The following DCP1A variants were observed in gnomAD, a reference collection of about 807,000 sequenced individuals.
DCP1A encodes the protein decapping mRNA 1A.
In DCP1A, 20 loss-of-function variants were observed where a neutral mutation model predicts 58.0. The ratio of observed to expected loss-of-function variants is 0.34; its 90% CI spans 0.24 to 0.50. DCP1A has a LOEUF of 0.50. DCP1A is among the 20% of genes least tolerant of loss of function. The pLI, the probability that DCP1A is intolerant of heterozygous loss-of-function variation, is 0.98. For missense variants in DCP1A, 613 were observed against 712.2 expected, an observed-to-expected ratio of 0.86 and a Z score of 1.59; for synonymous variants, 285 against 275.1, an observed-to-expected ratio of 1.04 and a Z score of -0.36.
intron 3 of DCP1A, among the ~76,000 whole-genome samples, chr3:53,320,694 A>G (rs1707939002): frequency 6.6e-6 from 1 of 152,228 alleles, no homozygotes; most frequent in Admixed American, 6.5e-5. Context: ...CAGCCAGGAT[A>G]CTGACATCAG....
chr3:53,315,534 C>CAAAAA lies in DCP1A; in HGVS notation c.372-3160_372-3156dup, dbSNP rs1211486616. Among the ~76,000 whole-genome samples the CAAAAA allele has an allele frequency of 1.2e-4, 8 of 64,998 alleles. No homozygotes were observed. In the South Asian group the frequency reaches 2.3e-3, roughly 18 times the overall value. 42.6% of individuals were successfully genotyped at this position (64,998 alleles called of 152,430 possible). The stretch of plus-strand genomic sequence containing the variant: ...TGGGTGACAGAGCAAGACTCTGTCT[C>CAAAAA]AAAAAAAAAAAAAAAAAAAAAAAGA... On this transcript the variant is annotated intron_variant, in intron 4 of 9. Transcript: ENST00000610213.
chr3:53,321,682 G>A (rs1338464772), intron 3 of DCP1A, among the ~76,000 whole-genome samples: 11 of 152,178 alleles, frequency 7.2e-5, no homozygotes, highest in Admixed American at 5.2e-4. Context: ...TTGCACCACT[G>A]CACTGCAGCC....
Position 53,292,659 on chromosome 3 carries a change from A to T in DCP1A, c.793T>A (p.Leu265Ile), listed in dbSNP as rs374845014. The T allele has an allele frequency of 6.7e-5, 108 of 1,613,548 alleles. No individual in the cohort carries two copies. Among genetic ancestry groups the T allele is most frequent in the Non-Finnish European group, 9.0e-5 (106 of 1,179,768 alleles). ...GTTTCTGATTGAGGGGCTCCTCCTA[A>T]CTGCTCAAAGGGAAATGGTAGGAAT... ...NSFLPFPFEQ[L>I]GGAPQSETLG... The change falls in exon 7 of 10, where the codon TTA becomes ATA. Residue 265 changes from leucine to isoleucine, a missense_variant. By Grantham distance (5) the Leu-to-Ile change is conservative. Transcript: ENST00000610213.
At chr3:53,292,914 C>CAGA in intron 6 of DCP1A, 87 bp from the exon 7 acceptor site, 1 of 1,393,150 alleles carries the variant, frequency 7.2e-7, no homozygotes, top group African/African-American at 1.4e-5. Context: ...AAAGATTTTG[C>CAGA]AGAATCAAGG....
chr3:53,288,397 GA>G, intron 8 of DCP1A, 114 bp from the exon 9 acceptor site: 1 of 748,636 alleles, frequency 1.3e-6, no homozygotes. Flanking sequence ...CACAGAGACA[GA>G]CTATTTTGAG....
Position 53,287,672 on chromosome 3 carries a change from G to T in DCP1A, c.1669-12C>A, listed in dbSNP as rs782712972. On this transcript the variant is annotated splice_polypyrimidine_tract_variant and intron_variant, in intron 9 of 9. Coordinates refer to ENST00000610213, the MANE Select transcript of DCP1A (RefSeq NM_018403.7). ...AAGCTGGAATCATTCTAGAAGAGAT[G>T]GTAAAGGTTAAGGATACGAATGCCA... 1.1e-5 allele frequency: 18 copies of T among 1,596,654 alleles called. 1 individual carries two copies. The highest frequency in any genetic ancestry group is 1.5e-5 in the Non-Finnish European group (18 of 1,164,610).
Position 53,318,449 on chromosome 3 carries a change from G to T in DCP1A, c.371+958C>A, listed in dbSNP as rs12488901. Among the ~76,000 whole-genome samples the T allele has an allele frequency of 0.013, 2,038 of 152,232 alleles. 118 individuals are homozygous for T. In the South Asian group the frequency reaches 0.14, roughly 11 times the overall value. The stretch of plus-strand genomic sequence containing the variant: ...GATTTGACAGATGGGGATGGTGGAG[G>T]GGGGAGAGAGGTCCACATTTCTGAG... On this transcript the variant is annotated intron_variant, in intron 4 of 9. Transcript: ENST00000610213.
chr3:53,321,224 T>C (rs1214544081), intron 3 of DCP1A, among the ~76,000 whole-genome samples: 2 of 152,260 alleles, frequency 1.3e-5, no homozygotes, highest in Admixed American at 1.3e-4. Flanking sequence ...ATCCTCTTTC[T>C]ATCTTTCAGA....
Position 53,342,195 on chromosome 3 carries a change from C to A in DCP1A, c.253G>T (p.Asp85Tyr). ...MHNLVEPVNKDLEFQLHEPFL... is the reference protein window; with the variant it reads ...MHNLVEPVNKYLEFQLHEPFL... ...GGTTCATGGAGCTGAAATTCCAAAT[C>A]TTTATTCACTGGTTCAACTAGATTG... Residue 85 changes from aspartate to tyrosine, a missense_variant, in exon 3 of 10, where the codon GAT becomes TAT. Around this residue, in one of 3 missense-constraint regions of DCP1A, gnomAD observed 65 missense variants for 118.5 expected, o/e 0.55. Coordinates refer to ENST00000610213, the MANE Select transcript of DCP1A (RefSeq NM_018403.7). 8 of 1,604,014 alleles carry A rather than the reference C, an allele frequency of 5.0e-6. No individual in the cohort carries two copies. Among genetic ancestry groups the A allele is most frequent in the Non-Finnish European group, 6.8e-6 (8 of 1,174,118 alleles).
intron 2 of DCP1A, 32 bp from the exon 3 acceptor site, chr3:53,342,303 A>C (rs1227001768): frequency 6.7e-7 from 1 of 1,487,818 alleles, no homozygotes; most frequent in African/African-American, 1.4e-5. Flanking sequence ...AAAAATATGT[A>C]GTTACCATTT....
At position 53,288,112 on chromosome 3, in the gene DCP1A, T is replaced by C. The variant is rs782021577; in HGVS notation, c.1621A>G (p.Ile541Val). ...TCCTGGAGCTGAGACTTGCTGAGAA[T>C]AATGGAAGGCTTTCTCTGACTTTCT... The part of the protein sequence containing the change: ...TPESQRKPSI[I>V]LSKSQLQDTL... Residue 541 changes from isoleucine (I) to valine (V), a missense_variant, in exon 9 of 10, where the codon ATT (isoleucine) becomes GTT (valine). By Grantham distance (29) the Ile-to-Val change is conservative. Coordinates refer to ENST00000610213, the MANE Select transcript of DCP1A (RefSeq NM_018403.7). 8.1e-6 allele frequency: 13 copies of C among 1,614,064 alleles called. No individual in the cohort carries two copies. The East Asian group carries it at 2.9e-4, about 36-fold the overall frequency.
chr3:53,316,152 A>G (rs1051779330), intron 4 of DCP1A, among the ~76,000 whole-genome samples: 1 of 152,128 alleles, frequency 6.6e-6, no homozygotes, highest in Non-Finnish European at 1.5e-5. Flanking sequence ...GCACTGATGG[A>G]CACATTTATT....
intron 3 of DCP1A, among the ~76,000 whole-genome samples, chr3:53,339,068 A>G (rs1553692274): frequency 6.6e-6 from 1 of 152,192 alleles, no homozygotes; most frequent in Non-Finnish European, 1.5e-5. Context: ...CAGCTATAGA[A>G]TCAGGTATAA....
At chr3:53,334,463 G>T in intron 3 of DCP1A, among the ~76,000 whole-genome samples, 1 of 149,826 alleles carries the variant, frequency 6.7e-6, no homozygotes, top group African/African-American at 2.5e-5. Context: ...CCCACTTCCT[G>T]GTTTTTATTG....
intron 4 of DCP1A, among the ~76,000 whole-genome samples, chr3:53,314,672 T>TTTC (rs1707747824): frequency 7.3e-6 from 1 of 136,564 alleles, no homozygotes; most frequent in African/African-American, 2.7e-5. Flanking sequence ...TTTTTCTTTT[T>TTTC]TTTTTTTTTT....
intron 6 of DCP1A, among the ~76,000 whole-genome samples, chr3:53,302,816 T>C (rs1435052199): frequency 6.6e-6 from 1 of 152,054 alleles, no homozygotes; most frequent in African/African-American, 2.4e-5. Flanking sequence ...AGAAACGGGG[T>C]TTCGCCATGT....
intron 3 of DCP1A, among the ~76,000 whole-genome samples, chr3:53,323,442 C>G (rs1708027025): frequency 6.6e-6 from 1 of 152,232 alleles, no homozygotes; most frequent in Non-Finnish European, 1.5e-5. Flanking sequence ...GACTACCTTT[C>G]TTGAAATATG....
intron 2 of DCP1A, 130 bp downstream of exon 2, chr3:53,344,772 T>C (rs1002091981): frequency 1.5e-5 from 9 of 595,458 alleles, no homozygotes; most frequent in Admixed American, 3.8e-5. Flanking sequence ...ATTTCACAGC[T>C]AGGGAAAGAT....
rs1706516417 is a variant in DCP1A at position 53,283,685 on chromosome 3, G to A, written c.*3895C>T. ...GAGAATCTGGTACAATGAAAGTCAT[G>A]AGAGCCACATGGCCAAAGCAGTAAT... is the stretch of plus-strand genomic sequence containing the variant. On this transcript the variant is annotated 3_prime_UTR_variant, in exon 10 of 10. Transcript: ENST00000610213. The A allele has an allele frequency of 6.6e-6, 1 of 152,210 alleles. No homozygotes were observed. The highest frequency in any genetic ancestry group is 2.4e-5 in the African/African-American group (1 of 41,450). The allele number at this position is 152,210 out of a possible 1,614,324, so 9.4% of individuals were successfully genotyped here.
Sources: gnomAD v4.1 joint callset for allele counts (sites outside exome capture counted in the v4.1 genomes callset) on GRCh38, gnomAD v4.1.1 for gene constraint, gnomAD v4.1.1 regional missense constraint, MANE v1.5 for transcripts, NCBI Gene and HGNC (gene_info 2026-07-23, HGNC 2026-07-21) for gene names.